KIAA1217: variants seen among roughly 807,000 people sequenced by gnomAD.
The protein encoded by KIAA1217 is sickle tail protein homolog.
Under a neutral mutation model 163.9 loss-of-function variants are expected in KIAA1217, and 88 were observed. That is an observed-to-expected ratio of 0.54 (90% CI 0.45 to 0.64). KIAA1217 has a LOEUF of 0.64. KIAA1217 is among the 30% of genes least tolerant of loss of function. The pLI is 0.00. For missense variants in KIAA1217, 2,372 were observed against 2,475.0 expected, an observed-to-expected ratio of 0.96 and a Z score of 0.88; for synonymous variants, 903 against 923.1, an observed-to-expected ratio of 0.98 and a Z score of 0.39.
chr10:23,829,435 A>G (rs761865028), intron 1 of KIAA1217, among the ~76,000 whole-genome samples: 3 of 152,180 alleles, frequency 2.0e-5, no homozygotes, highest in African/African-American at 7.2e-5. Flanking sequence ...GAAAACTTAC[A>G]GTTCAAATAT....
At chr10:23,777,959 T>C (rs1374092265) in intron 1 of KIAA1217, among the ~76,000 whole-genome samples, 1 of 152,200 alleles carries the variant, frequency 6.6e-6, no homozygotes, top group Non-Finnish European at 1.5e-5. Context: ...TTTTTCTTTT[T>C]TGAGATAGAG....
chr10:23,889,137 T>G (rs1373902776), intron 1 of KIAA1217, among the ~76,000 whole-genome samples: 1 of 151,952 alleles, frequency 6.6e-6, no homozygotes, highest in African/African-American at 2.4e-5. Flanking sequence ...CTCTGCATTT[T>G]CAGCATACAT....
At chr10:23,897,897 T>C (rs987491525) in intron 1 of KIAA1217, among the ~76,000 whole-genome samples, 3 of 152,118 alleles carry the variant, frequency 2.0e-5, no homozygotes, top group African/African-American at 7.2e-5. Flanking sequence ...GATATGGCAT[T>C]ACATTTTATT....
chr10:23,980,935 TA>T (rs1333572325), intron 1 of KIAA1217, among the ~76,000 whole-genome samples: 1 of 152,244 alleles, frequency 6.6e-6, no homozygotes, highest in East Asian at 1.9e-4. Context: ...TTACCTTTGC[TA>T]TTTTTACTCT....
intron 1 of KIAA1217, among the ~76,000 whole-genome samples, chr10:23,944,493 C>T (rs976688518): frequency 2.0e-5 from 3 of 150,694 alleles, no homozygotes; most frequent in Non-Finnish European, 4.4e-5. Context: ...AAAAAATACA[C>T]AAAACATCTA....
At chr10:24,408,516 G>A (rs977494357) in intron 3 of KIAA1217, among the ~76,000 whole-genome samples, 6 of 152,052 alleles carry the variant, frequency 3.9e-5, no homozygotes, top group South Asian at 2.1e-4. Context: ...AATATACTGC[G>A]TGGCCCATCA....
At chr10:23,939,134 C>T (rs566269045) in intron 1 of KIAA1217, among the ~76,000 whole-genome samples, 8 of 151,790 alleles carry the variant, frequency 5.3e-5, no homozygotes, top group South Asian at 2.1e-4. Context: ...CCAACAAACA[C>T]GTATAATGTA....
intron 1 of KIAA1217, among the ~76,000 whole-genome samples, chr10:23,799,481 C>G (rs1188477867): frequency 6.6e-6 from 1 of 152,132 alleles, no homozygotes; most frequent in Non-Finnish European, 1.5e-5. Flanking sequence ...CTATTTCTTT[C>G]CATTTTCCTT....
chr10:23,777,679 G>A (rs953577316), intron 1 of KIAA1217, among the ~76,000 whole-genome samples: 6 of 151,970 alleles, frequency 3.9e-5, no homozygotes, highest in Middle Eastern at 3.4e-3. Context: ...TTTAGAAAAA[G>A]CCAATCTGTC....
intron 1 of KIAA1217, among the ~76,000 whole-genome samples, chr10:23,975,989 A>G (rs959088412): frequency 6.6e-6 from 1 of 152,152 alleles, no homozygotes; most frequent in Non-Finnish European, 1.5e-5. Context: ...TGCTCTTGTT[A>G]GCACTCCTTG....
chr10:24,496,119 G>A (rs923799973), intron 8 of KIAA1217, among the ~76,000 whole-genome samples: 1 of 152,262 alleles, frequency 6.6e-6, no homozygotes, highest in South Asian at 2.1e-4. Flanking sequence ...GGGAAGCCAC[G>A]TGTACTAGTT....
At chr10:24,402,331 C>A (rs545418192) in intron 3 of KIAA1217, among the ~76,000 whole-genome samples, 2 of 151,702 alleles carry the variant, frequency 1.3e-5, no homozygotes, top group African/African-American at 4.8e-5. Context: ...ACGGTGAAAC[C>A]CTGTCTCTAC....
At chr10:23,716,362 A>G (rs969561430) in intron 1 of KIAA1217, among the ~76,000 whole-genome samples, 9 of 152,190 alleles carry the variant, frequency 5.9e-5, no homozygotes, top group Non-Finnish European at 1.3e-4. Context: ...AATTTTAAAT[A>G]TGTAAACTCA....
At chr10:24,354,312 T>C (rs739572) in intron 2 of KIAA1217, among the ~76,000 whole-genome samples, 71,093 of 152,060 alleles carry the variant, frequency 0.47, 16,725 homozygotes, top group East Asian at 0.55. Flanking sequence ...GGCCACCTAG[T>C]GAGCACTCAA....
chr10:24,274,068 C>T (rs2077033174), intron 2 of KIAA1217, among the ~76,000 whole-genome samples: 1 of 152,178 alleles, frequency 6.6e-6, no homozygotes, highest in Non-Finnish European at 1.5e-5. Context: ...CAATGATTTA[C>T]ATTTCACATA....
intron 2 of KIAA1217, among the ~76,000 whole-genome samples, chr10:24,036,976 G>A (rs1390034496): frequency 6.6e-6 from 1 of 152,210 alleles, no homozygotes; most frequent in African/African-American, 2.4e-5. Flanking sequence ...GCCAGTTCCA[G>A]AGGTGCTGAC....
chr10:24,200,830 C>T (rs758215511), intron 2 of KIAA1217, among the ~76,000 whole-genome samples: 13 of 152,034 alleles, frequency 8.6e-5, no homozygotes, highest in Non-Finnish European at 1.6e-4. Context: ...CAGAAGGGGC[C>T]TGTGAGCAGA....
intron 1 of KIAA1217, among the ~76,000 whole-genome samples, chr10:23,896,248 T>G (rs188832195): frequency 6.6e-6 from 1 of 152,084 alleles, no homozygotes; most frequent in East Asian, 1.9e-4. Flanking sequence ...TTTTTATGAG[T>G]TTTTAATCAT....
chr10:24,139,023 G>C (rs1315004268), intron 2 of KIAA1217, among the ~76,000 whole-genome samples: 2 of 152,076 alleles, frequency 1.3e-5, no homozygotes, highest in African/African-American at 4.8e-5. Context: ...TGTGATCACT[G>C]TATTAATAAT....
Sources: gnomAD v4.1 joint callset for allele counts (sites outside exome capture counted in the v4.1 genomes callset) on GRCh38, gnomAD v4.1.1 for gene constraint, MANE v1.5 for transcripts, NCBI Gene and HGNC (gene_info 2026-07-23, HGNC 2026-07-21) for gene names.